The following DNAH10 variants were observed in gnomAD, a reference collection of about 807,000 sequenced individuals.
DNAH10 encodes dynein axonemal heavy chain 10, also known as axonemal beta dynein heavy chain 10.
DNAH10 carries 348 observed loss-of-function variants against 506.6 expected under a neutral mutation model. That is an observed-to-expected ratio of 0.69 (90% CI 0.63 to 0.75). DNAH10 has a LOEUF of 0.75. Among genes scored for constraint, DNAH10 ranks in the 30% least tolerant of loss-of-function variants. The pLI, the probability that DNAH10 is intolerant of heterozygous loss-of-function variation, is 0.00. For synonymous variants in DNAH10, 2,059 were observed against 2,198.6 expected (o/e 0.94, Z 1.78); for missense variants, 5,179 against 5,787.1 (o/e 0.89, Z 3.41).
intron 54 of DNAH10, among the ~76,000 whole-genome samples, chr12:123,896,047 A>G (rs112249667): frequency 0.049 from 7,431 of 150,398 alleles, 619 homozygotes; most frequent in African/African-American, 0.17. Flanking sequence ...CAGGAGGCAG[A>G]GGTTGCAGTG....
chr12:123,788,737 G>A (rs1306586182), intron 10 of DNAH10, among the ~76,000 whole-genome samples: 1 of 151,966 alleles, frequency 6.6e-6, no homozygotes, highest in Non-Finnish European at 1.5e-5. Context: ...AGACTGGCCT[G>A]GGCAACATAG....
chr12:123,794,946 G>A (rs1418010483), intron 12 of DNAH10, among the ~76,000 whole-genome samples: 2 of 151,514 alleles, frequency 1.3e-5, no homozygotes, highest in African/African-American at 2.4e-5. Flanking sequence ...TCAGGAGTTC[G>A]AGACCAGCCT....
intron 37 of DNAH10, 145 bp downstream of exon 37, chr12:123,857,392 A>G: frequency 1.4e-6 from 1 of 737,794 alleles, no homozygotes. Flanking sequence ...AAATCACAGT[A>G]AAATACACAT....
At chr12:123,912,956 G>C in intron 59 of DNAH10, 142 bp from the exon 60 acceptor site, 1 of 746,426 alleles carries the variant, frequency 1.3e-6, no homozygotes, top group Non-Finnish European at 2.1e-6. Flanking sequence ...AAGAAGCCAC[G>C]TGTCTCAACA....
Position 123,864,682 on chromosome 12 carries a change from C to T in DNAH10, c.6996C>T (p.Ala2332=). 1 of 1,613,904 alleles carries T rather than the reference C, an allele frequency of 6.2e-7. No homozygotes were observed. Among genetic ancestry groups the T allele is most frequent in the South Asian group, 1.1e-5 (1 of 91,064 alleles). The change falls in exon 40 of 79, where the codon GCC becomes GCT. Residue 2332 remains alanine, a synonymous_variant. Transcript: ENST00000673944. Reference sequence around the variant, plus strand: ...ATGACAACAGGTTGTTGACATTGGCCAACGGGGAACGCATCCGGCTCCAAG... The same window carrying T: ...ATGACAACAGGTTGTTGACATTGGCTAACGGGGAACGCATCCGGCTCCAAG... ...VMDDNRLLTL[A]NGERIRLQAH...
At chr12:123,855,645 A>T (rs889767191) in intron 36 of DNAH10, among the ~76,000 whole-genome samples, 9 of 150,110 alleles carry the variant, frequency 6.0e-5, no homozygotes, top group Non-Finnish European at 1.2e-4. Context: ...AAAAAAAAAA[A>T]AAAATAATAA....
intron 24 of DNAH10, among the ~76,000 whole-genome samples, chr12:123,825,591 GC>G (rs2088476746): frequency 6.6e-6 from 1 of 152,142 alleles, no homozygotes; most frequent in South Asian, 2.1e-4. Context: ...CCTGGAAAAT[GC>G]AAACGAATTT....
At chr12:123,811,268 G>A (rs915062331) in intron 19 of DNAH10, among the ~76,000 whole-genome samples, 2 of 151,962 alleles carry the variant, frequency 1.3e-5, no homozygotes, top group Admixed American at 6.6e-5. Context: ...ATACAGCTTA[G>A]TGCAGTGTTT....
At position 123,935,460 on chromosome 12, in the gene DNAH10, C is replaced by T; in HGVS notation, c.13749C>T (p.Cys4583=). 1 of 1,594,842 alleles carries T rather than the reference C, an allele frequency of 6.3e-7. No individual in the cohort carries two copies. Among genetic ancestry groups the T allele is most frequent in the Non-Finnish European group, 8.6e-7 (1 of 1,164,004 alleles). The change falls in exon 79 of 79, where the codon TGC becomes TGT. Residue 4583 remains cysteine, a synonymous_variant. Coordinates refer to ENST00000673944, the MANE Select transcript of DNAH10 (RefSeq NM_001372106.1). The part of the protein sequence containing the change: ...HISHWVLQGV[C]LTLNSD ...CTCACTGGGTGCTGCAAGGAGTATGCCTCACCCTGAATTCTGATTAACCTT... is the reference window on the plus strand; with the variant it reads ...CTCACTGGGTGCTGCAAGGAGTATGTCTCACCCTGAATTCTGATTAACCTT...
At chr12:123,837,891 A>C (rs1453984209) in intron 28 of DNAH10, among the ~76,000 whole-genome samples, 1 of 152,002 alleles carries the variant, frequency 6.6e-6, no homozygotes, top group Non-Finnish European at 1.5e-5. Flanking sequence ...AGGCTTGAAA[A>C]TAGAATCATT....
chr12:123,812,010 T>C (rs1490302062), intron 19 of DNAH10, among the ~76,000 whole-genome samples: 1 of 152,206 alleles, frequency 6.6e-6, no homozygotes, highest in Non-Finnish European at 1.5e-5. Context: ...GCTGTGGTTT[T>C]TACCATTAAA....
Position 123,917,756 on chromosome 12 carries a change from G to T in DNAH10, c.11175G>T (p.Met3725Ile), listed in dbSNP as rs1484082149. ...AGCTGGCCACGTCCACGGGGAACAT[G>T]CTGGACAATGTGGACCTGGTGCACA... ...LRELATSTGN[M>I]LDNVDLVHTL... The change falls in exon 64 of 79, where the codon ATG becomes ATT. Residue 3725 changes from methionine (M) to isoleucine (I), a missense_variant. Around this residue, in one of 3 missense-constraint regions of DNAH10, gnomAD observed 4,844 missense variants for 5,430.5 expected, o/e 0.89. Transcript: ENST00000673944. The surrounding 1 kb of genome is among the most constrained non-coding windows in gnomAD (Gnocchi z 5.6). 3 of 1,576,056 alleles carry T rather than the reference G, an allele frequency of 1.9e-6. No individual in the cohort carries two copies. The highest frequency in any genetic ancestry group is 1.7e-6 in the Non-Finnish European group (2 of 1,161,186).
At position 123,928,657 on chromosome 12, in the gene DNAH10, G is replaced by T; in HGVS notation, c.12306+70G>T. 6.7e-7 allele frequency: 1 copy of T among 1,481,862 alleles called. No individual in the cohort carries two copies. 91.8% of individuals were successfully genotyped at this position (1,481,862 alleles called of 1,614,324 possible). The stretch of plus-strand genomic sequence containing the variant: ...CAGAACACCTGCATGCTGCTCTGGG[G>T]CCGGGGTGTGCCTTTGTCTGTGTAG... On this transcript the variant is annotated intron_variant, in intron 70 of 78. Transcript: ENST00000673944. The surrounding 1 kb of genome is among the most constrained non-coding windows in gnomAD (Gnocchi z 4.9).
intron 2 of DNAH10, among the ~76,000 whole-genome samples, chr12:123,768,926 A>G (rs1349929396): frequency 6.6e-6 from 1 of 152,024 alleles, no homozygotes; most frequent in Non-Finnish European, 1.5e-5. Flanking sequence ...TTTTGTAGAG[A>G]TGGGGTCTCA....
intron 18 of DNAH10, 76 bp from the exon 19 acceptor site, chr12:123,808,721 G>A: frequency 6.6e-7 from 1 of 1,522,830 alleles, no homozygotes; most frequent in Non-Finnish European, 9.0e-7. Context: ...TGTGGCCCTG[G>A]TCATTTCCAT....
chr12:123,787,624 C>T lies in DNAH10; in HGVS notation c.1422-180C>T, dbSNP rs1182564575. Among the ~76,000 whole-genome samples, 1 of 152,260 alleles carries T rather than the reference C, an allele frequency of 6.6e-6. No homozygotes were observed. The highest frequency in any genetic ancestry group is 1.5e-5 in the Non-Finnish European group (1 of 68,048). ...AACGGAAACCTCGCAGCTTGGGACT[C>T]CCGCCCTTGCACATGGGACAGGGCA... On this transcript the variant is annotated intron_variant, in intron 9 of 78. Transcript: ENST00000673944. The surrounding 1 kb of genome is among the most constrained non-coding windows in gnomAD (Gnocchi z 4.6).
At chr12:123,847,354 G>A (rs1462781939) in intron 32 of DNAH10, among the ~76,000 whole-genome samples, 1 of 141,052 alleles carries the variant, frequency 7.1e-6, no homozygotes, top group Non-Finnish European at 1.6e-5. Flanking sequence ...CTATCTATCT[G>A]GATATTTAGG....
intron 77 of DNAH10, chr12:123,934,085 C>T (rs1255104661): frequency 1.7e-6 from 1 of 604,910 alleles, no homozygotes; most frequent in East Asian, 2.8e-5. Flanking sequence ...CAGGGACTCT[C>T]CAGGTCTCAG....
rs545803809 is a variant in DNAH10 at position 123,850,810 on chromosome 12, G to T, written c.6103-78G>T. Reference sequence around the variant, plus strand: ...ATGAAAATGAATCGCCACGCAGCTCGCCGCAGGCCCCCTTTCCAAGGGGCT... The same window carrying T: ...ATGAAAATGAATCGCCACGCAGCTCTCCGCAGGCCCCCTTTCCAAGGGGCT... On this transcript the variant is annotated intron_variant, in intron 34 of 78. Transcript: ENST00000673944. The surrounding 1 kb of genome is among the most constrained non-coding windows in gnomAD (Gnocchi z 5.5). The T allele has an allele frequency of 1.4e-6, 2 of 1,436,540 alleles. No homozygotes were observed. The highest frequency in any genetic ancestry group is 2.3e-5 in the East Asian group (1 of 42,638). The allele number at this position is 1,436,540 out of a possible 1,614,324, so 89.0% of individuals were successfully genotyped here.
Sources: allele counts gnomAD v4.1 joint callset (sites outside exome capture counted in the v4.1 genomes callset), GRCh38; gene constraint gnomAD v4.1.1; regional missense constraint gnomAD v4.1.1; non-coding constraint Gnocchi (gnomAD v3.1); transcripts MANE v1.5; gene names NCBI Gene and HGNC (gene_info 2026-07-23, HGNC 2026-07-21).